MAN1A2: variants seen among roughly 807,000 people sequenced by gnomAD.
MAN1A2 encodes the protein mannosyl-oligosaccharide 1,2-alpha-mannosidase IB.
In MAN1A2, 26 loss-of-function variants were observed where a neutral mutation model predicts 75.7. The observed-to-expected ratio is 0.34, with a 90% CI of 0.25 to 0.48. MAN1A2 has a LOEUF of 0.48. MAN1A2 is among the 20% of genes least tolerant of loss of function. The pLI, the probability that MAN1A2 is intolerant of heterozygous loss-of-function variation, is 0.99. For synonymous variants in MAN1A2, 247 were observed against 264.6 expected (o/e 0.93, Z 0.65); for missense variants, 562 against 775.5 (o/e 0.72, Z 3.27).
chr1:117,488,092 T>G (rs1650769732), intron 8 of MAN1A2, among the ~76,000 whole-genome samples: 1 of 152,056 alleles, frequency 6.6e-6, no homozygotes, highest in Admixed American at 6.6e-5. Flanking sequence ...TCCAAGTGAC[T>G]TCTGTAATAC....
At chr1:117,418,597 T>A (rs1648089439) in intron 4 of MAN1A2, among the ~76,000 whole-genome samples, 1 of 152,168 alleles carries the variant, frequency 6.6e-6, no homozygotes, top group Non-Finnish European at 1.5e-5. Context: ...ATTTTTTGCT[T>A]TGTTGTTCTG....
chr1:117,526,880 C>CTCTCTCTCTCTCTCTATA lies in MAN1A2; in HGVS notation c.*3924_*3925insCTCTCTCTCTCTCTATAT. 2.4e-4 allele frequency: 13 copies of CTCTCTCTCTCTCTCTATA among 54,514 alleles called. No individual in the cohort carries two copies. Among genetic ancestry groups the CTCTCTCTCTCTCTCTATA allele is most frequent in the South Asian group, 1.3e-3 (2 of 1,566 alleles). 3.4% of individuals were successfully genotyped at this position (54,514 alleles called of 1,614,324 possible). A position where few individuals can be genotyped will look rare whatever the true frequency, so the allele number is the denominator to read the frequency against. On this transcript the variant is annotated 3_prime_UTR_variant, in exon 13 of 13. Transcript: ENST00000356554. Reference sequence around the variant, plus strand: ...TCTCTCTCTCTCTCTCTCTCTCTCTCTATATATATATATATATATATATAT... The same window carrying CTCTCTCTCTCTCTCTATA: ...TCTCTCTCTCTCTCTCTCTCTCTCTCTCTCTCTCTCTCTCTATATATATATATATATATATATATATAT...
In MAN1A2 at chr1:117,525,920, T is replaced by C. The variant is rs1652003127; in HGVS notation, c.*2963T>C. The C allele has an allele frequency of 6.6e-6, 1 of 151,734 alleles. No individual in the cohort carries two copies. Among genetic ancestry groups the C allele is most frequent in the Non-Finnish European group, 1.5e-5 (1 of 67,798 alleles). 9.4% of individuals were successfully genotyped at this position (151,734 alleles called of 1,614,324 possible). On this transcript the variant is annotated 3_prime_UTR_variant, in exon 13 of 13. Coordinates refer to ENST00000356554, the MANE Select transcript of MAN1A2 (RefSeq NM_006699.5). The stretch of plus-strand genomic sequence containing the variant: ...TCCTGACTTTAAGCAGGTGTTTATA[T>C]GTAAAATAAAACCTGGGTATCGAAG...
chr1:117,472,857 C>T (rs946734912), intron 8 of MAN1A2, among the ~76,000 whole-genome samples: 2 of 151,758 alleles, frequency 1.3e-5, no homozygotes, highest in Admixed American at 1.3e-4. Flanking sequence ...CTATCATTAG[C>T]GTTAGTGTAT....
chr1:117,415,081 G>A (rs1462506454), intron 4 of MAN1A2, among the ~76,000 whole-genome samples: 1 of 151,910 alleles, frequency 6.6e-6, no homozygotes, highest in Non-Finnish European at 1.5e-5. Flanking sequence ...AATTTTCATA[G>A]TTAGGCCTAC....
At chr1:117,381,832 T>A (rs1215129199) in intron 1 of MAN1A2, among the ~76,000 whole-genome samples, 2 of 152,044 alleles carry the variant, frequency 1.3e-5, no homozygotes, top group Non-Finnish European at 2.9e-5. Flanking sequence ...TTTCTCCACA[T>A]CCTTTCCAGC....
At chr1:117,496,659 T>C (rs1570792227) in intron 9 of MAN1A2, 104 bp from the exon 10 acceptor site, 1 of 790,566 alleles carries the variant, frequency 1.3e-6, no homozygotes, top group Admixed American at 2.5e-5. Flanking sequence ...TACTACTTTA[T>C]AGACTATCAT....
Position 117,524,521 on chromosome 1 carries a change from C to T in MAN1A2, c.*1564C>T, listed in dbSNP as rs998775215. 1 of 151,644 alleles carries T rather than the reference C, an allele frequency of 6.6e-6. No homozygotes were observed. The highest frequency in any genetic ancestry group is 2.4e-5 in the African/African-American group (1 of 41,340). The allele number at this position is 151,644 out of a possible 1,614,324, so 9.4% of individuals were successfully genotyped here. On this transcript the variant is annotated 3_prime_UTR_variant, in exon 13 of 13. Transcript: ENST00000356554. ...CCTGAAACAAAGTTTGTACAAGAAG[C>T]CCACCTTGGAATTCTGAAGGCTTAT...
At chr1:117,453,446 C>T (rs1443822227) in intron 6 of MAN1A2, among the ~76,000 whole-genome samples, 1 of 152,142 alleles carries the variant, frequency 6.6e-6, no homozygotes, top group African/African-American at 2.4e-5. Context: ...AATTTGATTC[C>T]AGTCCTCATG....
At chr1:117,446,341 C>G (rs923723369) in intron 6 of MAN1A2, among the ~76,000 whole-genome samples, 1 of 151,818 alleles carries the variant, frequency 6.6e-6, no homozygotes, top group African/African-American at 2.4e-5. Flanking sequence ...TTTTCTGGCT[C>G]CTTACATTGG....
intron 8 of MAN1A2, among the ~76,000 whole-genome samples, chr1:117,480,231 C>A (rs1650452027): frequency 6.6e-6 from 1 of 151,904 alleles, no homozygotes; most frequent in South Asian, 2.1e-4. Flanking sequence ...GGTATACTAT[C>A]CTATAAACTG....
intron 5 of MAN1A2, among the ~76,000 whole-genome samples, chr1:117,421,765 C>T (rs1648208306): frequency 6.6e-6 from 1 of 151,816 alleles, no homozygotes; most frequent in African/African-American, 2.4e-5. Context: ...ATAGTCAGAA[C>T]ATTTAAATTC....
In MAN1A2 at chr1:117,525,036, CT is replaced by C; in HGVS notation, c.*2083del. Reference sequence around the variant, plus strand: ...GATGGCAATGAACTCTCTGAATTCTCTTTTACCTTATTTAGAAGAATGCAGA... The same window carrying C: ...GATGGCAATGAACTCTCTGAATTCTCTTTACCTTATTTAGAAGAATGCAGA... On this transcript the variant is annotated 3_prime_UTR_variant, in exon 13 of 13. Transcript: ENST00000356554. 6.2e-6 allele frequency: 3 copies of C among 483,122 alleles called. No individual in the cohort carries two copies. Among genetic ancestry groups the C allele is most frequent in the Non-Finnish European group, 1.3e-5 (3 of 233,176 alleles). The allele number at this position is 483,122 out of a possible 1,614,324, so 29.9% of individuals were successfully genotyped here.
rs1011747927 is a variant in MAN1A2, at chr1:117,527,712, C to G, written c.*4755C>G. 1 of 151,996 alleles carries G rather than the reference C, an allele frequency of 6.6e-6. No individual in the cohort carries two copies. Among genetic ancestry groups the G allele is most frequent in the Non-Finnish European group, 1.5e-5 (1 of 67,954 alleles). The allele number at this position is 151,996 out of a possible 1,614,324, so 9.4% of individuals were successfully genotyped here. On this transcript the variant is annotated 3_prime_UTR_variant, in exon 13 of 13. Transcript: ENST00000356554. ...GTGTATTGTCAAAATAATATACTCT[C>G]CAAGTTCTCCTGCTCATTGACCCTT... is the stretch of plus-strand genomic sequence containing the variant.
At chr1:117,430,316 C>CG (rs1648584354) in intron 5 of MAN1A2, among the ~76,000 whole-genome samples, 1 of 123,756 alleles carries the variant, frequency 8.1e-6, no homozygotes. Flanking sequence ...GCTGACCCCC[C>CG]CCACCTCCCT....
chr1:117,458,961 A>G (rs1461644698), intron 6 of MAN1A2, among the ~76,000 whole-genome samples: 1 of 152,176 alleles, frequency 6.6e-6, no homozygotes, highest in African/African-American at 2.4e-5. Flanking sequence ...AATACTGTTT[A>G]TCAGACTACC....
intron 1 of MAN1A2, among the ~76,000 whole-genome samples, chr1:117,397,899 G>A (rs188059898): frequency 1.6e-3 from 237 of 151,954 alleles, no homozygotes; most frequent in South Asian, 3.1e-3. Context: ...TGATCCACCC[G>A]CCTTAGCCTC....
intron 1 of MAN1A2, among the ~76,000 whole-genome samples, chr1:117,385,490 C>G (rs1321212298): frequency 6.6e-6 from 1 of 152,126 alleles, no homozygotes; most frequent in African/African-American, 2.4e-5. Context: ...TTCAGAGTAA[C>G]TTGGAGTGTT....
intron 4 of MAN1A2, among the ~76,000 whole-genome samples, chr1:117,417,747 A>G (rs1295418786): frequency 6.0e-5 from 9 of 150,636 alleles, no homozygotes; most frequent in Admixed American, 3.3e-4. Flanking sequence ...AAAGTATAGT[A>G]TATATAAATA....
Sources: allele counts gnomAD v4.1 joint callset (sites outside exome capture counted in the v4.1 genomes callset), GRCh38; gene constraint gnomAD v4.1.1; transcripts MANE v1.5; gene names NCBI Gene and HGNC (gene_info 2026-07-23, HGNC 2026-07-21).